USH2A: variants seen among roughly 807,000 people sequenced by gnomAD.
USH2A encodes usherin, also known as Usher syndrome 2A (autosomal recessive, mild).
A neutral mutation model predicts 538.9 loss-of-function variants in USH2A; 443 were observed. That is an observed-to-expected ratio of 0.82 (90% confidence interval 0.76 to 0.89). USH2A has a LOEUF of 0.89. USH2A is among the 40% of genes least tolerant of loss of function. USH2A has a pLI of 0.00. For missense variants in USH2A, 6,633 were observed against 6,324.8 expected, an observed-to-expected ratio of 1.05 and a Z score of -1.65; for synonymous variants, 2,413 against 2,273.5, an observed-to-expected ratio of 1.06 and a Z score of -1.75.
intron 15 of USH2A, among the ~76,000 whole-genome samples, chr1:216,208,495 A>C (rs2035169060): frequency 6.6e-6 from 1 of 152,192 alleles, no homozygotes; most frequent in Non-Finnish European, 1.5e-5. Flanking sequence ...CCTCAGTAAA[A>C]GAAAGCACAC....
intron 35 of USH2A, among the ~76,000 whole-genome samples, chr1:215,988,646 C>T (rs886786232): frequency 3.9e-5 from 6 of 152,190 alleles, no homozygotes; most frequent in Middle Eastern, 3.2e-3. Flanking sequence ...GTTCCAGTTT[C>T]TCCACATCCT....
chr1:215,896,261 T>C (rs894035420), intron 40 of USH2A, among the ~76,000 whole-genome samples: 12 of 151,918 alleles, frequency 7.9e-5, no homozygotes, highest in African/African-American at 2.7e-4. Flanking sequence ...TTTAAATATA[T>C]GACAACTAAA....
In USH2A at chr1:216,016,110, G is replaced by A. The variant is rs557359359; in HGVS notation, c.6326-15548C>T. 1.5e-3 allele frequency among the ~76,000 whole-genome samples: 221 copies of A among 148,554 alleles called. 2 individuals are homozygous for A. The highest frequency in any genetic ancestry group is 5.2e-3 in the African/African-American group (210 of 40,422). On this transcript the variant is annotated intron_variant, in intron 32 of 71. Transcript: ENST00000307340. ...TTGCAAGGACAGAAAACCAAACACCGCATGTTCTCACTCATAGGTGGGAAC... is the reference window on the plus strand; with the variant it reads ...TTGCAAGGACAGAAAACCAAACACCACATGTTCTCACTCATAGGTGGGAAC...
chr1:215,685,520 G>T (rs887037981), intron 61 of USH2A, among the ~76,000 whole-genome samples: 2 of 151,888 alleles, frequency 1.3e-5, no homozygotes, highest in Non-Finnish European at 2.9e-5. Context: ...ACCACGCCCA[G>T]GTAATTTTTG....
intron 32 of USH2A, among the ~76,000 whole-genome samples, chr1:216,027,365 C>T (rs1668994342): frequency 6.6e-6 from 1 of 152,162 alleles, no homozygotes; most frequent in African/African-American, 2.4e-5. Flanking sequence ...CTATGGAAAC[C>T]TTTGCCTTGG....
At chr1:215,641,499 G>T (rs985802705) in intron 67 of USH2A, among the ~76,000 whole-genome samples, 1 of 152,106 alleles carries the variant, frequency 6.6e-6, no homozygotes, top group Admixed American at 6.6e-5. Flanking sequence ...AAAACAAAAA[G>T]AAAATCCTTA....
intron 38 of USH2A, among the ~76,000 whole-genome samples, chr1:215,933,942 C>T (rs762819546): frequency 3.3e-5 from 5 of 151,870 alleles, no homozygotes; most frequent in Non-Finnish European, 4.4e-5. Context: ...GATTATTTCC[C>T]GCAACGAGTT....
chr1:216,083,694 C>A, intron 25 of USH2A, 108 bp from the exon 26 acceptor site: 1 of 1,121,904 alleles, frequency 8.9e-7, no homozygotes. Flanking sequence ...GTAAATCTCA[C>A]AAAAGAAGAT....
intron 21 of USH2A, among the ~76,000 whole-genome samples, chr1:216,161,255 G>C (rs2034053333): frequency 6.6e-6 from 1 of 151,972 alleles, no homozygotes. Context: ...TTTGCTCTTT[G>C]TTTCTGGCTT....
rs74927641 is a variant in USH2A at position 215,626,736 on chromosome 1, A to G, written c.15520-866T>C. ...TGTTTTTAAGAACCCAAACCCATAA[A>G]AATAATTGCTAGCTGTGTAATCTCT... On this transcript the variant is annotated intron_variant, in intron 71 of 71. Coordinates refer to ENST00000307340, the MANE Select transcript of USH2A (RefSeq NM_206933.4). Among the ~76,000 whole-genome samples, 921 of 152,260 alleles carry G rather than the reference A, an allele frequency of 6.0e-3. 24 individuals carry two copies. In the South Asian group the frequency reaches 0.071, roughly 12 times the overall value.
At chr1:215,821,883 T>C (rs1211417363) in intron 47 of USH2A, among the ~76,000 whole-genome samples, 1 of 151,950 alleles carries the variant, frequency 6.6e-6, no homozygotes, top group African/African-American at 2.4e-5. Flanking sequence ...AAAAAGACTG[T>C]TTCCTCATTG....
At chr1:215,773,980 T>C (rs1425395364) in intron 55 of USH2A, among the ~76,000 whole-genome samples, 1 of 152,198 alleles carries the variant, frequency 6.6e-6, no homozygotes, top group African/African-American at 2.4e-5. Context: ...GGAGTTCACA[T>C]GCTAAAGCCA....
At chr1:215,626,194 GATAAAA>G (rs1656017290) in intron 71 of USH2A, among the ~76,000 whole-genome samples, 1 of 150,246 alleles carries the variant, frequency 6.7e-6, no homozygotes, top group African/African-American at 2.4e-5. Context: ...ATATATACTT[GATAAAA>G]ATAAATTAGC....
At position 216,046,544 on chromosome 1, in the gene USH2A, A is replaced by G. The variant is rs775832724; in HGVS notation, c.6212T>C (p.Leu2071Ser). ...PPVAKSLPSS[L>S]LLSWNPPKKA... ...TTTGGGTGGGTTCCAGGAGAGCAGC[A>G]AAGAACTGGGAAGGGATTTGGCTAC... The change falls in exon 32 of 72, where the codon TTG (leucine) becomes TCG (serine). Residue 2071 changes from leucine (L) to serine (S), a missense_variant. By Grantham distance (145) the Leu-to-Ser change is moderately radical. Transcript: ENST00000307340. 1.9e-6 allele frequency: 3 copies of G among 1,613,896 alleles called. No individual in the cohort carries two copies. Among genetic ancestry groups the G allele is most frequent in the Non-Finnish European group, 2.5e-6 (3 of 1,179,816 alleles).
chr1:216,318,575 C>T (rs1180478992), intron 9 of USH2A, among the ~76,000 whole-genome samples: 3 of 152,112 alleles, frequency 2.0e-5, no homozygotes, highest in Non-Finnish European at 2.9e-5. Context: ...GACTTTTTCC[C>T]TGCAGCTGCA....
At position 215,900,214 on chromosome 1, in the gene USH2A, TA is replaced by T; in HGVS notation, c.7454del (p.Leu2485TyrfsTer9). 6.2e-7 allele frequency: 1 copy of T among 1,613,396 alleles called. No individual in the cohort carries two copies. The highest frequency in any genetic ancestry group is 8.5e-7 in the Non-Finnish European group (1 of 1,179,660). On this transcript the variant is annotated frameshift_variant and splice_region_variant, in exon 40 of 72. Transcript: ENST00000307340. LOFTEE classifies it high-confidence loss of function. Reference protein sequence around the residue: ...SGDSTHGFLELFSNPSASLSY... With the variant: ...SGDSTHGFLEXFSNPSASLSY... Reference sequence around the variant, plus strand: ...TTAACGATGCAGAAGGATTGGAAAATAACCTGTATGGGAAATAAATGTCAAT... The same window carrying T: ...TTAACGATGCAGAAGGATTGGAAAATACCTGTATGGGAAATAAATGTCAAT...
chr1:215,761,690 T>TAAAAAATAAAATATACACACAAACA (rs1660986257), intron 56 of USH2A, among the ~76,000 whole-genome samples: 1 of 152,172 alleles, frequency 6.6e-6, no homozygotes, highest in African/African-American at 2.4e-5. Context: ...TACTTCTGTC[T>TAAAAAATAAAATATACACACAAACA]AAAAAATAAA....
chr1:215,830,375 G>A (rs962532592), intron 47 of USH2A, among the ~76,000 whole-genome samples: 4 of 152,146 alleles, frequency 2.6e-5, no homozygotes, highest in African/African-American at 4.8e-5. Context: ...AGCCCCAACG[G>A]GGGGAAAAAT....
At chr1:216,293,694 G>T (rs2102613091) in intron 9 of USH2A, among the ~76,000 whole-genome samples, 1 of 152,156 alleles carries the variant, frequency 6.6e-6, no homozygotes, top group Non-Finnish European at 1.5e-5. Context: ...ATCTGTGTTT[G>T]TAAAGTGTCA....
Sources: allele counts gnomAD v4.1 joint callset (sites outside exome capture counted in the v4.1 genomes callset), GRCh38; gene constraint gnomAD v4.1.1; transcripts MANE v1.5; gene names NCBI Gene and HGNC (gene_info 2026-07-23, HGNC 2026-07-21).